The following ZNF804B variants were observed in gnomAD, a reference collection of about 807,000 sequenced individuals.
ZNF804B encodes zinc finger protein 804B.
ZNF804B carries 80 observed loss-of-function variants against 101.4 expected under a neutral mutation model. The observed-to-expected ratio is 0.79, with a 90% CI of 0.66 to 0.95. The LOEUF (loss-of-function observed/expected upper bound fraction) is 0.95. Ranked by LOEUF, ZNF804B falls within the 40% of genes least tolerant of loss-of-function variation. The pLI is 0.00. For synonymous variants in ZNF804B, 622 were observed against 558.8 expected, an observed-to-expected ratio of 1.11 and a Z score of -1.59; for missense variants, 1,673 against 1,561.9, an observed-to-expected ratio of 1.07 and a Z score of -1.20.
intron 1 of ZNF804B, among the ~76,000 whole-genome samples, chr7:89,169,892 C>G (rs1791199423): frequency 6.6e-6 from 1 of 152,078 alleles, no homozygotes; most frequent in African/African-American, 2.4e-5. Flanking sequence ...CTCATCCGAG[C>G]TCTAGATACT....
At chr7:89,087,989 AATAT>A (rs34689504) in intron 1 of ZNF804B, among the ~76,000 whole-genome samples, 1 of 148,620 alleles carries the variant, frequency 6.7e-6, no homozygotes, top group Admixed American at 6.7e-5. Flanking sequence ...TATGTATATA[AATAT>A]ATATATATAT....
At chr7:88,785,684 C>G (rs991527602) in intron 1 of ZNF804B, among the ~76,000 whole-genome samples, 2 of 152,114 alleles carry the variant, frequency 1.3e-5, no homozygotes, top group African/African-American at 4.8e-5. Flanking sequence ...GAGGCCCTGC[C>G]TTGTAGAAAT....
At chr7:89,292,305 G>T (rs932603148) in intron 2 of ZNF804B, among the ~76,000 whole-genome samples, 10 of 152,020 alleles carry the variant, frequency 6.6e-5, no homozygotes, top group Non-Finnish European at 1.5e-4. Context: ...TAAGTAGAAA[G>T]ACAAAAAGTT....
chr7:89,321,801 C>CT (rs1790825731), intron 2 of ZNF804B, among the ~76,000 whole-genome samples: 1 of 151,822 alleles, frequency 6.6e-6, no homozygotes, highest in African/African-American at 2.4e-5. Flanking sequence ...AAATAAATGG[C>CT]TTTTAAAATA....
In ZNF804B at chr7:89,334,983, T is replaced by C; in HGVS notation, c.2001T>C (p.Ser667=). 1 of 1,613,900 alleles carries C rather than the reference T, an allele frequency of 6.2e-7. No homozygotes were observed. The highest frequency in any genetic ancestry group is 8.5e-7 in the Non-Finnish European group (1 of 1,179,902). ...KSSPCTVGGH[S]DHGKDFSVIL... Reference sequence around the variant, plus strand: ...GTCCTTGTACAGTAGGGGGTCACAGTGACCATGGGAAAGACTTCAGTGTAA... The same window carrying C: ...GTCCTTGTACAGTAGGGGGTCACAGCGACCATGGGAAAGACTTCAGTGTAA... Residue 667 remains serine (S), a synonymous_variant, in exon 4 of 4, where the codon AGT becomes AGC. Coordinates refer to ENST00000333190, the MANE Select transcript of ZNF804B (RefSeq NM_181646.5).
At chr7:88,991,326 T>C (rs1202900840) in intron 1 of ZNF804B, among the ~76,000 whole-genome samples, 2 of 152,160 alleles carry the variant, frequency 1.3e-5, no homozygotes, top group Admixed American at 6.5e-5. Flanking sequence ...GCCTGCAATG[T>C]GAACATAGCC....
chr7:89,174,645 T>C (rs1374870570), intron 1 of ZNF804B, among the ~76,000 whole-genome samples: 2 of 152,080 alleles, frequency 1.3e-5, no homozygotes, highest in African/African-American at 2.4e-5. Context: ...ATGGTAGTTC[T>C]ATTTTTGCTT....
chr7:88,908,511 A>G (rs1271217643), intron 1 of ZNF804B, among the ~76,000 whole-genome samples: 6 of 151,906 alleles, frequency 3.9e-5, no homozygotes, highest in Non-Finnish European at 7.4e-5. Context: ...AAACTGACCA[A>G]AAATACTTCT....
At chr7:88,851,291 A>G (rs965587065) in intron 1 of ZNF804B, among the ~76,000 whole-genome samples, 5 of 152,078 alleles carry the variant, frequency 3.3e-5, no homozygotes, top group African/African-American at 4.8e-5. Context: ...AATAACCTCA[A>G]CAACAAACAT....
chr7:89,120,614 C>T (rs1394971796), intron 1 of ZNF804B, among the ~76,000 whole-genome samples: 5 of 136,582 alleles, frequency 3.7e-5, no homozygotes, highest in Admixed American at 2.3e-4. Flanking sequence ...GTGGAGATCG[C>T]GCCACTGCAC....
intron 1 of ZNF804B, among the ~76,000 whole-genome samples, chr7:88,872,895 G>C (rs573991226): frequency 6.6e-6 from 1 of 151,596 alleles, no homozygotes; most frequent in Admixed American, 6.6e-5. Context: ...TTGGTTCCAA[G>C]TCTTTGCTAT....
chr7:89,261,336 A>G (rs949203322), intron 2 of ZNF804B, among the ~76,000 whole-genome samples: 1 of 152,208 alleles, frequency 6.6e-6, no homozygotes, highest in Non-Finnish European at 1.5e-5. Context: ...TATTTTGTGC[A>G]ACATGACATA....
chr7:89,206,532 A>C (rs1788716743), intron 1 of ZNF804B, among the ~76,000 whole-genome samples: 1 of 152,130 alleles, frequency 6.6e-6, no homozygotes, highest in South Asian at 2.1e-4. Context: ...AGAGTGGATC[A>C]CCTGAGGTCA....
intron 1 of ZNF804B, among the ~76,000 whole-genome samples, chr7:88,804,681 A>G (rs1343396065): frequency 2.6e-5 from 4 of 152,140 alleles, no homozygotes; most frequent in Admixed American, 2.6e-4. Context: ...TTGGAGTAAT[A>G]TCTTCACAAT....
rs117873664 is a variant in ZNF804B, at chr7:89,139,051, G to A, written c.109-79104G>A. On this transcript the variant is annotated intron_variant, in intron 1 of 3. Transcript: ENST00000333190. ...TGTGTGTATACAGGCATACCTCAGA[G>A]ATATTGCAGGTTTTGCTCCAGACCA... is the stretch of plus-strand genomic sequence containing the variant. Among the ~76,000 whole-genome samples the A allele has an allele frequency of 4.8e-3, 731 of 152,134 alleles. 4 individuals carry two copies. Among genetic ancestry groups the A allele is most frequent in the Non-Finnish European group, 7.6e-3 (518 of 67,976 alleles).
At chr7:89,047,431 A>G (rs1008322923) in intron 1 of ZNF804B, among the ~76,000 whole-genome samples, 2 of 152,202 alleles carry the variant, frequency 1.3e-5, no homozygotes, top group Non-Finnish European at 2.9e-5. Flanking sequence ...CATATTATCA[A>G]CTGAAGAGTG....
At chr7:89,147,308 T>G (rs1051503645) in intron 1 of ZNF804B, among the ~76,000 whole-genome samples, 54 of 152,048 alleles carry the variant, frequency 3.6e-4, no homozygotes, top group African/African-American at 1.1e-3. Context: ...TGGAGAGCAA[T>G]GACCAGATCC....
intron 1 of ZNF804B, among the ~76,000 whole-genome samples, chr7:88,877,047 ATATTTTTTTTTTTTTTTTT>A (rs1257789634): frequency 1.0e-4 from 3 of 28,762 alleles, no homozygotes; most frequent in Non-Finnish European, 1.7e-4. Flanking sequence ...ATATATATAT[ATATTTTTTTTTTTTTTTTT>A]TTTTTTTTTT....
At chr7:88,861,751 A>C (rs1791649957) in intron 1 of ZNF804B, among the ~76,000 whole-genome samples, 1 of 152,202 alleles carries the variant, frequency 6.6e-6, no homozygotes, top group Admixed American at 6.6e-5. Context: ...TATCTTAAAG[A>C]ATAAGATATC....
Sources: allele counts gnomAD v4.1 joint callset (sites outside exome capture counted in the v4.1 genomes callset), GRCh38; gene constraint gnomAD v4.1.1; transcripts MANE v1.5; gene names NCBI Gene and HGNC (gene_info 2026-07-23, HGNC 2026-07-21).